The following UQCC1 variants were observed in gnomAD, a reference collection of about 807,000 sequenced individuals.
UQCC1 encodes the protein ubiquinol-cytochrome c reductase complex assembly factor 1.
A neutral mutation model predicts 48.0 loss-of-function variants in UQCC1; 38 were observed. The ratio of observed to expected loss-of-function variants is 0.79; its 90% CI spans 0.61 to 1.04. The LOEUF (loss-of-function observed/expected upper bound fraction) is 1.04. Ranked by LOEUF, UQCC1 falls within the 50% of genes least tolerant of loss-of-function variation. The probability of loss-of-function intolerance (pLI) is 0.00; values close to 1 mark genes in which losing one functional copy is unlikely to be tolerated. For missense variants in UQCC1, 368 were observed against 381.8 expected, an observed-to-expected ratio of 0.96 and a Z score of 0.30; for synonymous variants, 111 against 129.2, an observed-to-expected ratio of 0.86 and a Z score of 0.95.
chr20:35,343,670 G>A (rs2061404269), intron 7 of UQCC1, among the ~76,000 whole-genome samples: 1 of 152,142 alleles, frequency 6.6e-6, no homozygotes, highest in Non-Finnish European at 1.5e-5. Flanking sequence ...TATAGTCTTT[G>A]TAACTAAACC....
chr20:35,306,721 C>T lies in UQCC1; in HGVS notation c.710G>A (p.Arg237Gln), dbSNP rs763692145. 1.2e-5 allele frequency: 20 copies of T among 1,613,852 alleles called. No individual in the cohort carries two copies. The highest frequency in any genetic ancestry group is 8.9e-5 in the East Asian group (4 of 44,898). ...AAALWRTFFN[R>Q]KCEDPRHLEL... ...AAGATGTCGAGGGTCTTCACATTTC[C>T]GGTTGAAGAAGGTTCTCCAGAGGGC... Residue 237 changes from arginine to glutamine, a missense_variant, in exon 9 of 10, where the codon CGG becomes CAG. Physicochemically the swap from Arg to Gln is conservative, Grantham distance 43. Coordinates refer to ENST00000374385, the MANE Select transcript of UQCC1 (RefSeq NM_018244.5).
In UQCC1 at chr20:35,410,716, A is replaced by AAAAAAAAAAAAAAAACC. The variant is rs1370852913; in HGVS notation, c.24+1223_24+1224insGGTTTTTTTTTTTTTTT. ...CAAGACTCTGCCTCAAAAAAAAAAA[A>AAAAAAAAAAAAAAAACC]AAAAAAAACAAAACCCTAAAGGGTG... On this transcript the variant is annotated intron_variant, in intron 1 of 9. Coordinates refer to ENST00000374385, the MANE Select transcript of UQCC1 (RefSeq NM_018244.5). 2.8e-5 allele frequency among the ~76,000 whole-genome samples: 3 copies of AAAAAAAAAAAAAAAACC among 108,732 alleles called. 1 individual carries two copies. Among genetic ancestry groups the AAAAAAAAAAAAAAAACC allele is most frequent in the Non-Finnish European group, 5.4e-5 (3 of 55,824 alleles). The allele number at this position is 108,732 out of a possible 152,430, so 71.3% of individuals were successfully genotyped here.
At chr20:35,334,158 CA>C (rs1396978947) in intron 7 of UQCC1, among the ~76,000 whole-genome samples, 1 of 152,150 alleles carries the variant, frequency 6.6e-6, no homozygotes. Flanking sequence ...GGAGAAAACC[CA>C]AATCTGGACC....
chr20:35,329,628 C>T (rs1318986572), intron 7 of UQCC1, among the ~76,000 whole-genome samples: 1 of 152,204 alleles, frequency 6.6e-6, no homozygotes, highest in African/African-American at 2.4e-5. Flanking sequence ...ACACCCAGGG[C>T]AGCTGAAAGA....
chr20:35,339,813 A>G (rs777217699), intron 7 of UQCC1, among the ~76,000 whole-genome samples: 1 of 152,142 alleles, frequency 6.6e-6, no homozygotes, highest in Non-Finnish European at 1.5e-5. Flanking sequence ...GATAAAGCAA[A>G]TGTTGCAAAA....
chr20:35,367,122 C>A lies in UQCC1; in HGVS notation c.407-508G>T, dbSNP rs1339184808. Reference sequence around the variant, plus strand: ...AAAAAAAAAAAAACAAACAAAAAAACAACCCATTGAATTTAGTCAGACCAC... The same window carrying A: ...AAAAAAAAAAAAACAAACAAAAAAAAAACCCATTGAATTTAGTCAGACCAC... On this transcript the variant is annotated intron_variant, in intron 5 of 9. Transcript: ENST00000374385. Among the ~76,000 whole-genome samples the A allele has an allele frequency of 2.5e-3, 320 of 127,456 alleles. 1 individual carries two copies. Among genetic ancestry groups the A allele is most frequent in the Middle Eastern group, 4.2e-3 (1 of 240 alleles). 83.6% of individuals were successfully genotyped at this position (127,456 alleles called of 152,430 possible). A position where few individuals can be genotyped will look rare whatever the true frequency, so the allele number is the denominator to read the frequency against.
chr20:35,304,532 G>A (rs1425789537), intron 9 of UQCC1: 1 of 183,556 alleles, frequency 5.4e-6, no homozygotes, highest in African/African-American at 2.3e-5. Flanking sequence ...TGAGATTTAA[G>A]TTCCCTTGTC....
At chr20:35,356,986 T>G (rs544198488) in intron 6 of UQCC1, among the ~76,000 whole-genome samples, 1 of 152,098 alleles carries the variant, frequency 6.6e-6, no homozygotes, top group East Asian at 1.9e-4. Flanking sequence ...GCAATTGAGG[T>G]TCAACAGGTA....
intron 2 of UQCC1, among the ~76,000 whole-genome samples, chr20:35,393,558 T>G (rs1376199315): frequency 2.0e-5 from 3 of 150,384 alleles, no homozygotes; most frequent in Admixed American, 6.6e-5. Flanking sequence ...CCAGCAGAGA[T>G]AAAATACTGA....
rs1449304110 is a variant in UQCC1 at position 35,394,159 on chromosome 20, C to T, written c.62G>A (p.Cys21Tyr). The change falls in exon 2 of 10, where the codon TGC (cysteine) becomes TAC (tyrosine). Residue 21 changes from cysteine (C) to tyrosine (Y), a missense_variant. By Grantham distance (194) the Cys-to-Tyr change is radical. Coordinates refer to ENST00000374385, the MANE Select transcript of UQCC1 (RefSeq NM_018244.5). The stretch of plus-strand genomic sequence containing the variant: ...AGGAGACACAGGTATCAATCGGCTG[C>T]ATACTGGAACCCACTGAGAAATGCT... ...QTSISQWVPV[C>Y]SRLIPVSPTQ... The T allele has an allele frequency of 7.4e-6, 12 of 1,613,976 alleles. No individual in the cohort carries two copies. Among genetic ancestry groups the T allele is most frequent in the Middle Eastern group, 3.3e-4 (2 of 6,084 alleles).
chr20:35,396,096 C>T (rs1285862950), intron 1 of UQCC1, among the ~76,000 whole-genome samples: 6 of 143,988 alleles, frequency 4.2e-5, no homozygotes, highest in Non-Finnish European at 3.0e-5. Context: ...GCGATTCTTA[C>T]GCCTCAGACT....
In UQCC1 at chr20:35,303,550, C is replaced by A. The variant is rs1045745890; in HGVS notation, c.*385G>T. 5.3e-6 allele frequency: 1 copy of A among 187,546 alleles called. No individual in the cohort carries two copies. The highest frequency in any genetic ancestry group is 2.3e-5 in the African/African-American group (1 of 43,378). The allele number at this position is 187,546 out of a possible 1,614,324, so 11.6% of individuals were successfully genotyped here. A position where few individuals can be genotyped will look rare whatever the true frequency, so the allele number is the denominator to read the frequency against. ...TCACCGACCGGACTCGGCAGCATTA[C>A]AATCTGCTCCTAGGCCACAGCAGGC... On this transcript the variant is annotated 3_prime_UTR_variant, in exon 10 of 10. Transcript: ENST00000374385.
At chr20:35,310,445 C>T (rs1158813125) in intron 8 of UQCC1, among the ~76,000 whole-genome samples, 1 of 151,806 alleles carries the variant, frequency 6.6e-6, no homozygotes, top group Non-Finnish European at 1.5e-5. Context: ...GAGATCGAGA[C>T]CATCCTGGGC....
At chr20:35,363,218 G>A (rs2061627894) in intron 6 of UQCC1, among the ~76,000 whole-genome samples, 2 of 152,112 alleles carry the variant, frequency 1.3e-5, no homozygotes, top group Non-Finnish European at 2.9e-5. Flanking sequence ...AGCAGGTGAA[G>A]GGGTGAGAGA....
chr20:35,324,671 A>C (rs557158696), intron 7 of UQCC1, among the ~76,000 whole-genome samples: 20 of 152,366 alleles, frequency 1.3e-4, no homozygotes, highest in African/African-American at 4.6e-4. Flanking sequence ...CTATAATTTA[A>C]AAAGAAAAGA....
intron 7 of UQCC1, among the ~76,000 whole-genome samples, chr20:35,337,070 T>C (rs1263956664): frequency 6.6e-6 from 1 of 152,210 alleles, no homozygotes; most frequent in Non-Finnish European, 1.5e-5. Flanking sequence ...TTCCCAATCA[T>C]CTAAATGATA....
intron 7 of UQCC1, chr20:35,345,597 G>A (rs1381208779): frequency 1.3e-5 from 2 of 152,088 alleles, no homozygotes; most frequent in Non-Finnish European, 2.9e-5. Flanking sequence ...GCTCTCAGGC[G>A]AAGGATACGC....
At chr20:35,314,937 A>G (rs907805169) in intron 7 of UQCC1, among the ~76,000 whole-genome samples, 172 bp from the exon 8 acceptor site, 14 of 152,078 alleles carry the variant, frequency 9.2e-5, no homozygotes, top group African/African-American at 2.2e-4. Flanking sequence ...ATTCTCCCCA[A>G]TTTGCCAAAT....
At chr20:35,335,882 C>T (rs1448031595) in intron 7 of UQCC1, among the ~76,000 whole-genome samples, 2 of 152,166 alleles carry the variant, frequency 1.3e-5, no homozygotes, top group African/African-American at 4.8e-5. Flanking sequence ...CTAGGACCAA[C>T]ATATAAGATG....
Sources: gnomAD v4.1 joint callset for allele counts (sites outside exome capture counted in the v4.1 genomes callset) on GRCh38, gnomAD v4.1.1 for gene constraint, MANE v1.5 for transcripts, NCBI Gene and HGNC (gene_info 2026-07-23, HGNC 2026-07-21) for gene names.